The following SLC13A3 variants were observed in gnomAD, a reference collection of about 807,000 sequenced individuals.
SLC13A3 encodes the protein Na(+)/dicarboxylate cotransporter 3.
In SLC13A3, 40 loss-of-function variants were observed where a neutral mutation model predicts 59.0. That is an observed-to-expected ratio of 0.68 (90% CI 0.53 to 0.88). The LOEUF is 0.88. Ranked by LOEUF, SLC13A3 falls within the 40% of genes least tolerant of loss-of-function variation. SLC13A3 has a pLI of 0.00. For missense variants in SLC13A3, 699 were observed against 783.2 expected (o/e 0.89, Z 1.28); for synonymous variants, 317 against 330.3 (o/e 0.96, Z 0.44).
At chr20:46,609,179 G>C in intron 3 of SLC13A3, 3 of 1,393,444 alleles carry the variant, frequency 2.2e-6, no homozygotes, top group Non-Finnish European at 2.8e-6. Flanking sequence ...ACATTTTAAA[G>C]TGACATGATG....
chr20:46,564,272 CT>C lies in SLC13A3; in HGVS notation c.1495-722del, dbSNP rs1046641223. ...CTAAGACTGTGTGTATCAAACCCCC[CT>C]ATGAGCTGGCCTCAGCTAGTGGGCC... is the stretch of plus-strand genomic sequence containing the variant. On this transcript the variant is annotated intron_variant, in intron 11 of 12. Coordinates refer to ENST00000279027, the MANE Select transcript of SLC13A3 (RefSeq NM_022829.6). Among the ~76,000 whole-genome samples the C allele has an allele frequency of 1.0e-3, 152 of 152,230 alleles. 1 individual carries two copies. The highest frequency in any genetic ancestry group is 4.6e-4 in the Non-Finnish European group (31 of 68,034).
chr20:46,562,781 G>A (rs1247388213), intron 12 of SLC13A3, among the ~76,000 whole-genome samples: 2 of 152,058 alleles, frequency 1.3e-5, no homozygotes, highest in Non-Finnish European at 2.9e-5. Flanking sequence ...TTTCTGCCTC[G>A]CTCTCACTCT....
chr20:46,661,730 G>C (rs2063031417), intron 1 of SLC13A3, among the ~76,000 whole-genome samples: 1 of 152,028 alleles, frequency 6.6e-6, no homozygotes, highest in African/African-American at 2.4e-5. Context: ...GACTGGTAGG[G>C]GTGTCTTTTC....
chr20:46,595,753 C>T (rs2062304829), intron 5 of SLC13A3, among the ~76,000 whole-genome samples: 1 of 152,158 alleles, frequency 6.6e-6, no homozygotes, highest in African/African-American at 2.4e-5. Flanking sequence ...GGAGCTACTC[C>T]CCACTGTCGG....
intron 3 of SLC13A3, among the ~76,000 whole-genome samples, chr20:46,605,683 C>T (rs146291415): frequency 6.6e-6 from 1 of 152,256 alleles, no homozygotes; most frequent in African/African-American, 2.4e-5. Context: ...GGATTATACC[C>T]AGAACTTTGG....
chr20:46,589,854 T>C (rs2062236319), intron 6 of SLC13A3, among the ~76,000 whole-genome samples: 1 of 152,078 alleles, frequency 6.6e-6, no homozygotes, highest in Non-Finnish European at 1.5e-5. Context: ...AAACCCAAAA[T>C]GGATTGAAGA....
intron 3 of SLC13A3, chr20:46,609,167 AG>A (rs2062466677): frequency 2.1e-6 from 3 of 1,423,116 alleles, no homozygotes; most frequent in Non-Finnish European, 2.8e-6. Context: ...ATTAAAAGTA[AG>A]ACATTTTAAA....
At chr20:46,616,183 T>A (rs2062552173) in intron 1 of SLC13A3, among the ~76,000 whole-genome samples, 1 of 152,202 alleles carries the variant, frequency 6.6e-6, no homozygotes, top group South Asian at 2.1e-4. Context: ...AGGTAAGATA[T>A]CTTTGAGAAT....
intron 1 of SLC13A3, among the ~76,000 whole-genome samples, chr20:46,638,498 C>T (rs1301750638): frequency 2.0e-5 from 3 of 152,218 alleles, no homozygotes; most frequent in Non-Finnish European, 4.4e-5. Flanking sequence ...GTCCTGACTG[C>T]TGCGGACAGA....
At chr20:46,636,659 G>A (rs921475168) in intron 1 of SLC13A3, among the ~76,000 whole-genome samples, 2 of 152,158 alleles carry the variant, frequency 1.3e-5, no homozygotes, top group South Asian at 2.1e-4. Context: ...TGAGAAAACC[G>A]AGGCTGGCAA....
intron 1 of SLC13A3, among the ~76,000 whole-genome samples, chr20:46,635,023 G>A (rs2062782259): frequency 6.6e-6 from 1 of 152,172 alleles, no homozygotes; most frequent in Non-Finnish European, 1.5e-5. Context: ...ACTGGGGTGG[G>A]ACGAGCCTTT....
chr20:46,577,596 T>C (rs2062092084), intron 9 of SLC13A3, among the ~76,000 whole-genome samples: 1 of 152,222 alleles, frequency 6.6e-6, no homozygotes, highest in Non-Finnish European at 1.5e-5. Context: ...GGCGAGTGCG[T>C]ATCAGACTGT....
In SLC13A3 at chr20:46,575,661, A is replaced by G. The variant is rs1254127270; in HGVS notation, c.1244T>C (p.Leu415Ser). 6.2e-7 allele frequency: 1 copy of G among 1,600,012 alleles called. No individual in the cohort carries two copies. Among genetic ancestry groups the G allele is most frequent in the East Asian group, 2.3e-5 (1 of 44,308 alleles). Residue 415 changes from leucine to serine, a missense_variant, in exon 10 of 13, where the codon TTG becomes TCG. Physicochemically the swap from Leu to Ser is moderately radical, Grantham distance 145. Coordinates refer to ENST00000279027, the MANE Select transcript of SLC13A3 (RefSeq NM_022829.6). ...CTCCTGGGCCTTCTTCCAGGTCAGC[A>G]AGGGCTCTGTCTCTGTGTTGGGAGC... Reference protein sequence around the residue: ...FKAPNTETEPLLTWKKAQETV... With the variant: ...FKAPNTETEPSLTWKKAQETV...
At chr20:46,629,694 T>A (rs2062717758) in intron 1 of SLC13A3, among the ~76,000 whole-genome samples, 1 of 152,222 alleles carries the variant, frequency 6.6e-6, no homozygotes, top group African/African-American at 2.4e-5. Flanking sequence ...ACAGAATAGC[T>A]TTATTTTTCT....
intron 1 of SLC13A3, among the ~76,000 whole-genome samples, chr20:46,638,659 T>C (rs958221106): frequency 1.2e-4 from 18 of 152,352 alleles, no homozygotes; most frequent in Admixed American, 2.0e-4. Flanking sequence ...GCTCACAGGC[T>C]AGCATGCCCC....
chr20:46,601,153 C>T (rs901395710), intron 3 of SLC13A3, among the ~76,000 whole-genome samples: 2 of 152,054 alleles, frequency 1.3e-5, no homozygotes, highest in African/African-American at 4.8e-5. Context: ...CAAAGGCCAA[C>T]GGGAACTAAA....
intron 11 of SLC13A3, among the ~76,000 whole-genome samples, chr20:46,565,005 C>T (rs1169823559): frequency 6.6e-6 from 1 of 152,194 alleles, no homozygotes; most frequent in East Asian, 1.9e-4. Context: ...TGGGGCATCA[C>T]TGTTTGCATA....
At chr20:46,562,748 TCTC>T (rs2061942146) in intron 12 of SLC13A3, among the ~76,000 whole-genome samples, 1 of 152,126 alleles carries the variant, frequency 6.6e-6, no homozygotes, top group Admixed American at 6.5e-5. Flanking sequence ...TCTCGTCTCT[TCTC>T]TGTTTGCTCT....
chr20:46,651,369 A>G lies in SLC13A3; in HGVS notation c.53T>C (p.Leu18Pro), dbSNP rs2062950327. The G allele has an allele frequency of 2.0e-6, 3 of 1,510,990 alleles. No homozygotes were observed. Among genetic ancestry groups the G allele is most frequent in the Admixed American group, 2.1e-5 (1 of 47,194 alleles). The allele number at this position is 1,510,990 out of a possible 1,614,324, so 93.6% of individuals were successfully genotyped here. Residue 18 changes from leucine to proline, a missense_variant, in exon 1 of 13, where the codon CTG (leucine) becomes CCG (proline). By Grantham distance (98) the Leu-to-Pro change is moderately conservative. Transcript: ENST00000279027. ...CGCGAGCGGCGTGAACAGCAGCACC[A>G]GCAGCCGCCGCGCGCTCCACACCTT... ...AKKVWSARRLLVLLFTPLALL... is the reference protein window; with the variant it reads ...AKKVWSARRLPVLLFTPLALL...
Sources: gnomAD v4.1 joint callset for allele counts (sites outside exome capture counted in the v4.1 genomes callset) on GRCh38, gnomAD v4.1.1 for gene constraint, MANE v1.5 for transcripts, NCBI Gene and HGNC (gene_info 2026-07-23, HGNC 2026-07-21) for gene names.